Variants in RASSF5 observed in about 807,000 individuals in gnomAD.
RASSF5 encodes the protein ras association domain-containing protein 5.
In RASSF5, 25 loss-of-function variants were observed where a neutral mutation model predicts 40.5. The ratio of observed to expected loss-of-function variants is 0.62; its 90% CI spans 0.45 to 0.86. The LOEUF is 0.86. Among genes scored for constraint, RASSF5 ranks in the 40% least tolerant of loss-of-function variants. The pLI, the probability that RASSF5 is intolerant of heterozygous loss-of-function variation, is 0.00. For missense variants in RASSF5, 521 were observed against 572.8 expected, an observed-to-expected ratio of 0.91 and a Z score of 0.92; for synonymous variants, 246 against 252.4, an observed-to-expected ratio of 0.97 and a Z score of 0.24.
intron 1 of RASSF5, among the ~76,000 whole-genome samples, chr1:206,530,488 T>C (rs997257510): frequency 6.6e-6 from 1 of 152,260 alleles, no homozygotes; most frequent in Non-Finnish European, 1.5e-5. Context: ...TATATTTAGA[T>C]ATGAGTAAAT....
chr1:206,514,624 A>G (rs1553395168), intron 1 of RASSF5, among the ~76,000 whole-genome samples: 2 of 152,240 alleles, frequency 1.3e-5, no homozygotes, highest in Non-Finnish European at 2.9e-5. Flanking sequence ...TGGGGCTGCT[A>G]GAAAATTAAA....
Position 206,552,746 on chromosome 1 carries a change from C to T in RASSF5, c.579+14453C>T, listed in dbSNP as rs1387952046. ...CTGCAAAATACCTTCTTGCAGGGTTCTGAGGATTAAGTGAGATAATGAAAT... is the reference window on the plus strand; with the variant it reads ...CTGCAAAATACCTTCTTGCAGGGTTTTGAGGATTAAGTGAGATAATGAAAT... On this transcript the variant is annotated intron_variant, in intron 2 of 5. Transcript: ENST00000579436. This position sits in a 1 kb window ranked among gnomAD's most constrained non-coding sequence, Gnocchi z 4.1. Among the ~76,000 whole-genome samples the T allele has an allele frequency of 6.6e-6, 1 of 152,150 alleles. No individual in the cohort carries two copies. The highest frequency in any genetic ancestry group is 2.4e-5 in the African/African-American group (1 of 41,422).
At position 206,538,342 on chromosome 1, in the gene RASSF5, C is replaced by T. The variant is rs1331276279; in HGVS notation, c.579+49C>T. On this transcript the variant is annotated intron_variant, in intron 2 of 5. Coordinates refer to ENST00000579436, the MANE Select transcript of RASSF5 (RefSeq NM_182663.4). ...AAGCTGGGAACAGCCTCTGCAGGTG[C>T]CCCGGGCTCCACTTTCTCTCCCAGG... 6 of 1,603,976 alleles carry T rather than the reference C, an allele frequency of 3.7e-6. No individual in the cohort carries two copies. The African/African-American group carries it at 8.0e-5, about 21-fold the overall frequency.
rs1355225656 is a variant in RASSF5 at position 206,531,028 on chromosome 1, A to G, written c.458-7144A>G. On this transcript the variant is annotated intron_variant, in intron 1 of 5. Transcript: ENST00000579436. The surrounding 1 kb of genome is among the most constrained non-coding windows in gnomAD (Gnocchi z 4.7). The stretch of plus-strand genomic sequence containing the variant: ...GAACTAATATTATTGAACACCTAGT[A>G]TGTAGCAAGTGTTGTGTTGTTATTT... Among the ~76,000 whole-genome samples, 2 of 152,216 alleles carry G rather than the reference A, an allele frequency of 1.3e-5. No homozygotes were observed. Among genetic ancestry groups the G allele is most frequent in the Non-Finnish European group, 2.9e-5 (2 of 68,034 alleles).
At chr1:206,585,553 T>G (rs539731958) in intron 5 of RASSF5, 2 of 311,782 alleles carry the variant, frequency 6.4e-6, no homozygotes, top group East Asian at 5.5e-5. Context: ...GCTTTATTTC[T>G]GAAAACTCAG....
intron 1 of RASSF5, among the ~76,000 whole-genome samples, chr1:206,512,372 C>T (rs1022811457): frequency 3.4e-4 from 51 of 152,094 alleles, no homozygotes; most frequent in African/African-American, 1.2e-3. Context: ...ATTAAATGTG[C>T]GCTTAATTTT....
rs1268496552 is a variant in RASSF5 at position 206,507,809 on chromosome 1, C to T, written c.207C>T (p.Asn69=). ...GRSARRAARG[N]LEPPPRASRP... is the part of the protein sequence containing the mutation. ...GCGCCCGGAGGGCTGCCCGGGGGAACCTGGAGCCCCCGCCCCGGGCCTCCC... is the reference window on the plus strand; with the variant it reads ...GCGCCCGGAGGGCTGCCCGGGGGAATCTGGAGCCCCCGCCCCGGGCCTCCC... Residue 69 remains asparagine (N), a synonymous_variant, in exon 1 of 6, where the codon AAC becomes AAT. Coordinates refer to ENST00000579436, the MANE Select transcript of RASSF5 (RefSeq NM_182663.4). 5 of 1,402,136 alleles carry T rather than the reference C, an allele frequency of 3.6e-6. No individual in the cohort carries two copies. Among genetic ancestry groups the T allele is most frequent in the East Asian group, 6.1e-5 (2 of 32,806 alleles). The allele number at this position is 1,402,136 out of a possible 1,614,324, so 86.9% of individuals were successfully genotyped here.
intron 1 of RASSF5, among the ~76,000 whole-genome samples, chr1:206,524,103 T>C (rs1420133105): frequency 8.1e-6 from 1 of 123,526 alleles, no homozygotes; most frequent in Non-Finnish European, 1.6e-5. Flanking sequence ...ATACCATATA[T>C]AATATATTTT....
intron 1 of RASSF5, among the ~76,000 whole-genome samples, chr1:206,511,880 T>A (rs1171822997): frequency 6.6e-6 from 1 of 152,046 alleles, no homozygotes; most frequent in Non-Finnish European, 1.5e-5. Flanking sequence ...TGCAGACCCA[T>A]CCCCCGCTTG....
intron 1 of RASSF5, among the ~76,000 whole-genome samples, chr1:206,533,228 G>A (rs571459288): frequency 6.6e-6 from 1 of 152,300 alleles, no homozygotes; most frequent in East Asian, 1.9e-4. Context: ...GTAACCTTCA[G>A]GGACTGTGAA....
chr1:206,551,040 T>C (rs1459416640), intron 2 of RASSF5, among the ~76,000 whole-genome samples: 1 of 152,210 alleles, frequency 6.6e-6, no homozygotes, highest in Admixed American at 6.5e-5. Flanking sequence ...ATTGACAGAA[T>C]CTTTTGTTAT....
Position 206,507,947 on chromosome 1 carries a change from C to G in RASSF5, c.345C>G (p.Val115=). 1 of 1,526,262 alleles carries G rather than the reference C, an allele frequency of 6.6e-7. No homozygotes were observed. Among genetic ancestry groups the G allele is most frequent in the South Asian group, 1.2e-5 (1 of 81,990 alleles). 94.5% of individuals were successfully genotyped at this position (1,526,262 alleles called of 1,614,324 possible). A position where few individuals can be genotyped will look rare whatever the true frequency, so the allele number is the denominator to read the frequency against. The stretch of plus-strand genomic sequence containing the variant: ...TCGAGCAGCCGCAGGATCCCAGAGT[C>G]CCGGCGGAGCGAGGCGAGGGGCACT... ...SIFEQPQDPR[V]PAERGEGHCF... is the part of the protein sequence containing the mutation. Residue 115 remains valine, a synonymous_variant, in exon 1 of 6, where the codon GTC becomes GTG. Coordinates refer to ENST00000579436, the MANE Select transcript of RASSF5 (RefSeq NM_182663.4).
intron 1 of RASSF5, 95 bp downstream of exon 1, chr1:206,508,154 C>T: frequency 1.0e-6 from 1 of 971,286 alleles, no homozygotes; most frequent in Non-Finnish European, 1.4e-6. Flanking sequence ...GGGGCCATTA[C>T]ACTCTTTGGC....
At chr1:206,508,641 C>T (rs1666531747) in intron 1 of RASSF5, among the ~76,000 whole-genome samples, 1 of 152,102 alleles carries the variant, frequency 6.6e-6, no homozygotes, top group African/African-American at 2.4e-5. Flanking sequence ...CCTGAAGTCA[C>T]CCTGAACCCG....
At position 206,514,273 on chromosome 1, in the gene RASSF5, C is replaced by T. The variant is rs368766444; in HGVS notation, c.457+6214C>T. Among the ~76,000 whole-genome samples, 24 of 152,344 alleles carry T rather than the reference C, an allele frequency of 1.6e-4. No individual in the cohort carries two copies. The East Asian group carries it at 4.1e-3, about 26-fold the overall frequency. On this transcript the variant is annotated intron_variant, in intron 1 of 5. Coordinates refer to ENST00000579436, the MANE Select transcript of RASSF5 (RefSeq NM_182663.4). Reference sequence around the variant, plus strand: ...CCACTTTGGCTGAGGAGTCTGGTGACCCCTGGGAATTGTAGCAGGTTCTAG... The same window carrying T: ...CCACTTTGGCTGAGGAGTCTGGTGATCCCTGGGAATTGTAGCAGGTTCTAG...
At chr1:206,554,368 A>G (rs1319560191) in intron 2 of RASSF5, among the ~76,000 whole-genome samples, 1 of 152,238 alleles carries the variant, frequency 6.6e-6, no homozygotes, top group Non-Finnish European at 1.5e-5. Context: ...GGATCTTACA[A>G]GAGGATCTGG....
intron 2 of RASSF5, among the ~76,000 whole-genome samples, chr1:206,566,673 C>G (rs1456488663): frequency 6.6e-6 from 1 of 152,210 alleles, no homozygotes; most frequent in Non-Finnish European, 1.5e-5. Flanking sequence ...TGTCGATGCT[C>G]ACAATTGGCT....
intron 5 of RASSF5, chr1:206,585,500 G>C (rs1572375550): frequency 2.2e-6 from 1 of 459,032 alleles, no homozygotes; most frequent in Non-Finnish European, 4.0e-6. Context: ...AGCACATTAG[G>C]GCCTGTGTGT....
At position 206,555,367 on chromosome 1, in the gene RASSF5, G is replaced by GT. The variant is rs1176184059; in HGVS notation, c.579+17084dup. Among the ~76,000 whole-genome samples, 64 of 93,910 alleles carry GT rather than the reference G, an allele frequency of 6.8e-4. 1 individual carries two copies. The highest frequency in any genetic ancestry group is 1.4e-3 in the African/African-American group (42 of 30,704). 61.6% of individuals were successfully genotyped at this position (93,910 alleles called of 152,430 possible). ...TGTGGCCACAGAGAATCTGGGGCCTGTTTTTTTTTTCTTAAGTATTAGATT... is the reference window on the plus strand; with the variant it reads ...TGTGGCCACAGAGAATCTGGGGCCTGTTTTTTTTTTTCTTAAGTATTAGATT... On this transcript the variant is annotated intron_variant, in intron 2 of 5. Transcript: ENST00000579436.
Sources: gnomAD v4.1 joint callset for allele counts (sites outside exome capture counted in the v4.1 genomes callset) on GRCh38, gnomAD v4.1.1 for gene constraint, Gnocchi (gnomAD v3.1) non-coding constraint, MANE v1.5 for transcripts, NCBI Gene and HGNC (gene_info 2026-07-23, HGNC 2026-07-21) for gene names.